TDRD12: variants seen among roughly 807,000 people sequenced by gnomAD.
TDRD12 encodes tudor domain containing 12.
TDRD12 carries 158 observed loss-of-function variants against 133.5 expected under a neutral mutation model. The observed-to-expected ratio is 1.18, with a 90% CI of 1.04 to 1.35. The LOEUF (loss-of-function observed/expected upper bound fraction) is 1.35. TDRD12 is among the 40% of genes most tolerant of loss of function. TDRD12 has a pLI of 0.00. For synonymous variants in TDRD12, 460 were observed against 477.9 expected, an observed-to-expected ratio of 0.96 and a Z score of 0.49; for missense variants, 1,443 against 1,321.3, an observed-to-expected ratio of 1.09 and a Z score of -1.43.
exon 6 of TDRD12, chr19:32,749,792 C>G: frequency 6.5e-7 from 1 of 1,549,300 alleles, no homozygotes; most frequent in Non-Finnish European, 8.7e-7. Flanking sequence ...AGCAACTACC[C>G]AGGTGGAAGC....
chr19:32,720,867 G>T (rs1968633244), intron 1 of TDRD12, among the ~76,000 whole-genome samples: 2 of 141,984 alleles, frequency 1.4e-5, no homozygotes, highest in African/African-American at 2.7e-5. Context: ...TGGGAGCTGG[G>T]GTAGAACCCG....
chr19:32,769,276 A>G (rs962072961), intron 8 of TDRD12, among the ~76,000 whole-genome samples: 8 of 152,142 alleles, frequency 5.3e-5, no homozygotes, highest in Non-Finnish European at 1.5e-5. Context: ...ATCTCAAGTT[A>G]GTGATGTGAG....
intron 27 of TDRD12, among the ~76,000 whole-genome samples, chr19:32,819,241 C>T (rs959411774): frequency 6.6e-6 from 1 of 150,418 alleles, no homozygotes; most frequent in African/African-American, 2.5e-5. Context: ...TGGTTGAGCC[C>T]AGGAGGTTTA....
chr19:32,816,124 G>A (rs1322586430), intron 26 of TDRD12, among the ~76,000 whole-genome samples: 1 of 152,154 alleles, frequency 6.6e-6, no homozygotes, highest in Non-Finnish European at 1.5e-5. Context: ...TTTTGTTGGA[G>A]TATTATAAAG....
At chr19:32,827,372 CTTTT>C (rs549327733) in exon 10 of TDRD12, 2,526 of 121,750 alleles carry the variant, frequency 0.021, 1 homozygote, top group East Asian at 0.061. Context: ...CTTTTCTTTT[CTTTT>C]TTTTTTTTTT....
intron 26 of TDRD12, among the ~76,000 whole-genome samples, chr19:32,817,802 C>A (rs917735114): frequency 6.6e-6 from 1 of 150,828 alleles, no homozygotes; most frequent in Admixed American, 6.7e-5. Context: ...CAGGGCTCTT[C>A]CGGGCGTGCC....
chr19:32,753,566 C>G (rs950498054), intron 6 of TDRD12, among the ~76,000 whole-genome samples: 1 of 151,818 alleles, frequency 6.6e-6, no homozygotes, highest in South Asian at 2.1e-4. Flanking sequence ...TACACTGGCG[C>G]GATCTCTGCT....
chr19:32,805,871 A>G (rs1294570706), intron 21 of TDRD12, among the ~76,000 whole-genome samples: 1 of 151,466 alleles, frequency 6.6e-6, no homozygotes, highest in East Asian at 1.9e-4. Flanking sequence ...AACTGGGACT[A>G]TAGGTGTGTG....
rs998041472 is a variant in TDRD12 at position 32,793,804 on chromosome 19, T to TA, written c.1288-824_1288-823insA. 1.4e-4 allele frequency among the ~76,000 whole-genome samples: 21 copies of TA among 149,776 alleles called. No individual in the cohort carries two copies. In the East Asian group the frequency reaches 3.5e-3, roughly 25 times the overall value. On this transcript the variant is annotated intron_variant, in intron 13 of 27. Coordinates refer to ENST00000444215, the Ensembl canonical transcript of TDRD12. ...ATTAAAGCAAGAATCTTTTTTTTTT[T>TA]TTTTTTTGAGTCGGAGTTTTGCTCT...
At chr19:32,758,842 G>A (rs1970070076) in intron 8 of TDRD12, among the ~76,000 whole-genome samples, 1 of 150,596 alleles carries the variant, frequency 6.6e-6, no homozygotes, top group African/African-American at 2.4e-5. Flanking sequence ...GGCTGAGGCA[G>A]GAGAATTGCT....
chr19:32,732,111 C>T (rs1180934426), intron 2 of TDRD12, among the ~76,000 whole-genome samples: 2 of 152,164 alleles, frequency 1.3e-5, no homozygotes, highest in South Asian at 2.1e-4. Context: ...TCAAGCACTT[C>T]TTCTGTCTCA....
chr19:32,739,496 TTCTGCATCTCCTGGCTGCTCTC>T (rs1969331790), intron 3 of TDRD12, among the ~76,000 whole-genome samples: 1 of 135,460 alleles, frequency 7.4e-6, no homozygotes, highest in African/African-American at 2.8e-5. Flanking sequence ...CTGGGGCTCT[TTCTGCATCTCCTGGCTGCTCTC>T]TGCATCTCCT....
At chr19:32,782,062 C>T (rs1378935605) in intron 11 of TDRD12, among the ~76,000 whole-genome samples, 1 of 152,008 alleles carries the variant, frequency 6.6e-6, no homozygotes. Flanking sequence ...TGGTTTGCTG[C>T]ACCCATCAAC....
chr19:32,814,200 G>T (rs982790895), intron 25 of TDRD12, among the ~76,000 whole-genome samples: 5 of 152,122 alleles, frequency 3.3e-5, no homozygotes, highest in Non-Finnish European at 5.9e-5. Context: ...CCCCCATCCT[G>T]CAGAGCAGCC....
intron 14 of TDRD12, among the ~76,000 whole-genome samples, chr19:32,796,690 C>T (rs1225316733): frequency 6.6e-6 from 1 of 152,120 alleles, no homozygotes; most frequent in Non-Finnish European, 1.5e-5. Context: ...TGAGAAGCAA[C>T]TGATGAGAAG....
chr19:32,799,405 C>T (rs1444249822), intron 16 of TDRD12, among the ~76,000 whole-genome samples: 1 of 152,208 alleles, frequency 6.6e-6, no homozygotes, highest in Non-Finnish European at 1.5e-5. Context: ...CCCCAGTTTT[C>T]TCCTCCAGCC....
chr19:32,806,363 GTC>G (rs1470844919), intron 21 of TDRD12, among the ~76,000 whole-genome samples: 2 of 122,038 alleles, frequency 1.6e-5, no homozygotes, highest in African/African-American at 3.3e-5. Context: ...TTTTAAGACA[GTC>G]TCTGTCTGGC....
At chr19:32,813,340 T>C (rs1374200695) in intron 24 of TDRD12, among the ~76,000 whole-genome samples, 2 of 152,144 alleles carry the variant, frequency 1.3e-5, no homozygotes, top group East Asian at 3.9e-4. Flanking sequence ...TTCAAAGAAA[T>C]AGGCATCCGT....
At chr19:32,790,967 C>G in exon 13 of TDRD12, 1 of 1,535,580 alleles carries the variant, frequency 6.5e-7, no homozygotes, top group Non-Finnish European at 8.7e-7. Flanking sequence ...CTCTCAGTTG[C>G]AGAAGCTGAA....
Sources: allele counts gnomAD v4.1 joint callset (sites outside exome capture counted in the v4.1 genomes callset), GRCh38; gene constraint gnomAD v4.1.1; transcripts MANE v1.5; gene names NCBI Gene and HGNC (gene_info 2026-07-23, HGNC 2026-07-21).